The following NME3 variants were observed in gnomAD, a reference collection of about 807,000 sequenced individuals.
NME3 encodes NME/NM23 nucleoside diphosphate kinase 3, also known as nucleoside diphosphate kinase C.
Under a neutral mutation model 15.8 loss-of-function variants are expected in NME3, and 23 were observed. The observed-to-expected ratio is 1.45, with a 90% confidence interval of 1.05 to 2.06. NME3 has a LOEUF of 2.06. NME3 is among the 30% of genes most tolerant of loss of function. NME3 has a pLI of 0.00. For missense variants in NME3, 354 were observed against 243.2 expected (o/e 1.46, Z -3.03); for synonymous variants, 157 against 104.4 (o/e 1.50, Z -3.07).
intron 2 of NME3, 35 bp from the exon 3 acceptor site, chr16:1,771,206 G>A (rs1596838223): frequency 1.3e-6 from 2 of 1,576,134 alleles, no homozygotes; most frequent in South Asian, 2.3e-5. Context: ...GCCCGCACCC[G>A]GCACCTAGGC....
rs11890 is a variant in NME3 at position 1,770,991 on chromosome 16, T to C, written c.282A>G (p.Val94=). ...YMASGPVVAM[V]WQGLDVVRTS... Reference sequence around the variant, plus strand: ...TGCGCACCACGTCCAGCCCCTGCCATACCTGTGCGGAGGAACGGGCGCGGT... The same window carrying C: ...TGCGCACCACGTCCAGCCCCTGCCACACCTGTGCGGAGGAACGGGCGCGGT... The change falls in exon 4 of 5, where the codon GTA becomes GTG. Residue 94 remains valine, a splice_region_variant and synonymous_variant. Transcript: ENST00000219302. The C allele has an allele frequency of 1.9e-6, 3 of 1,590,926 alleles. No individual in the cohort carries two copies. In the African/African-American group the frequency reaches 4.0e-5, roughly 21 times the overall value.
chr16:1,770,904 C>T lies in NME3; in HGVS notation c.369G>A (p.Gly123=). The part of the protein sequence containing the change: ...PADAPPGTIR[G]DFCIEVGKNL... ...ACTTGCCAACCTCGATGCAGAAATC[C>T]CCGCGGATGGTGCCGGGCGGGGCGT... Residue 123 remains glycine (G), a synonymous_variant, in exon 4 of 5, where the codon GGG becomes GGA. Transcript: ENST00000219302. 6.3e-7 allele frequency: 1 copy of T among 1,584,918 alleles called. No individual in the cohort carries two copies. Among genetic ancestry groups the T allele is most frequent in the Non-Finnish European group, 8.6e-7 (1 of 1,162,138 alleles).
In NME3 at chr16:1,770,955, C is replaced by T. The variant is rs377494495; in HGVS notation, c.318G>A (p.Ala106=). The change falls in exon 4 of 5, where the codon GCG becomes GCA. Residue 106 remains alanine (A), a synonymous_variant. Coordinates refer to ENST00000219302, the MANE Select transcript of NME3 (RefSeq NM_002513.3). ...QGLDVVRTSR[A]LIGATNPADA... ...CGGCCGGGTTCGTGGCTCCGATGAGCGCCCGCGAGGTGCGCACCACGTCCA... is the reference window on the plus strand; with the variant it reads ...CGGCCGGGTTCGTGGCTCCGATGAGTGCCCGCGAGGTGCGCACCACGTCCA... The T allele has an allele frequency of 7.3e-5, 116 of 1,584,978 alleles. No homozygotes were observed. The highest frequency in any genetic ancestry group is 9.5e-5 in the Non-Finnish European group (110 of 1,161,154).
rs777700422 is a variant in NME3 at position 1,770,745 on chromosome 16, G to C, written c.414C>G (p.Asp138Glu). 2 of 1,598,416 alleles carry C rather than the reference G, an allele frequency of 1.3e-6. No homozygotes were observed. Among genetic ancestry groups the C allele is most frequent in the African/African-American group, 1.3e-5 (1 of 74,782 alleles). ...TCTCGCGGCGGGCACTCTCCACCGA[G>C]TCGCTGCCGTGAATCAGGTTCCTGC... ...EVGKNLIHGS[D>E]SVESARREIA... Residue 138 changes from aspartate to glutamate, a missense_variant, in exon 5 of 5, where the codon GAC (aspartate) becomes GAG (glutamate). Physicochemically the swap from Asp to Glu is conservative, Grantham distance 45. Transcript: ENST00000219302.
chr16:1,771,338 T>C lies in NME3; in HGVS notation c.119A>G (p.Glu40Gly). 6.3e-7 allele frequency: 1 copy of C among 1,598,152 alleles called. No homozygotes were observed. The highest frequency in any genetic ancestry group is 8.5e-7 in the Non-Finnish European group (1 of 1,174,144). ...PDGVQRRLVG[E>G]IVRRFERKGF... ...CTTCCTCTCGAAGCGCCGCACAATC[T>C]CGCCCACCAGCCGCCGCTGCACGCC... is the stretch of plus-strand genomic sequence containing the variant. The change falls in exon 2 of 5, where the codon GAG (glutamate) becomes GGG (glycine). Residue 40 changes from glutamate (E) to glycine (G), a missense_variant. By Grantham distance (98) the Glu-to-Gly change is moderately conservative (BLOSUM62 -2). Transcript: ENST00000219302.
At position 1,770,683 on chromosome 16, in the gene NME3, C is replaced by T. The variant is rs1349421297; in HGVS notation, c.476G>A (p.Trp159Ter). 1.9e-6 allele frequency: 3 copies of T among 1,585,322 alleles called. No individual in the cohort carries two copies. Among genetic ancestry groups the T allele is most frequent in the Non-Finnish European group, 2.6e-6 (3 of 1,166,780 alleles). ...CAGCCAGTGCCCAGCGCTGTCCTCC[C>T]AGCAGAGGAGCTCGTCTGCGCGGAA... ...LWFRADELLC[W>*]EDSAGHWLYE Residue 159 changes from tryptophan (W) to a stop codon, truncating the protein, a stop_gained, in exon 5 of 5, where the codon TGG becomes TAG. Coordinates refer to ENST00000219302, the MANE Select transcript of NME3 (RefSeq NM_002513.3). LOFTEE classifies it high-confidence loss of function.
In NME3 at chr16:1,770,348, A is replaced by G; in HGVS notation, c.*301T>C. Reference sequence around the variant, plus strand: ...CTGTTCCTGGGCCCAAATCGAAACGAAAACGAGGACTTTATTATAAAAAAA... The same window carrying G: ...CTGTTCCTGGGCCCAAATCGAAACGGAAACGAGGACTTTATTATAAAAAAA... On this transcript the variant is annotated 3_prime_UTR_variant, in exon 5 of 5. Coordinates refer to ENST00000219302, the MANE Select transcript of NME3 (RefSeq NM_002513.3). 1 of 352,590 alleles carries G rather than the reference A, an allele frequency of 2.8e-6. No individual in the cohort carries two copies. The highest frequency in any genetic ancestry group is 5.1e-6 in the Non-Finnish European group (1 of 195,386). The allele number at this position is 352,590 out of a possible 1,614,324, so 21.8% of individuals were successfully genotyped here. A position where few individuals can be genotyped will look rare whatever the true frequency, so the allele number is the denominator to read the frequency against.
intron 1 of NME3, 31 bp from the exon 2 acceptor site, chr16:1,771,441 C>T (rs889222597): frequency 1.0e-5 from 15 of 1,501,284 alleles, no homozygotes; most frequent in East Asian, 2.6e-5. Flanking sequence ...GGCCGTCAGG[C>T]CGGCCCAGCA....
chr16:1,770,780 G>A lies in NME3; in HGVS notation c.393-14C>T, dbSNP rs759467805. 2.5e-6 allele frequency: 4 copies of A among 1,597,234 alleles called. No individual in the cohort carries two copies. Among genetic ancestry groups the A allele is most frequent in the Non-Finnish European group, 3.4e-6 (4 of 1,171,366 alleles). On this transcript the variant is annotated splice_polypyrimidine_tract_variant and intron_variant, in intron 4 of 4. Coordinates refer to ENST00000219302, the MANE Select transcript of NME3 (RefSeq NM_002513.3). ...TGAATCAGGTTCCTGCGCGGAAGAGGCGCGTGTGAGCGTGGGAAAGAGACC... is the reference window on the plus strand; with the variant it reads ...TGAATCAGGTTCCTGCGCGGAAGAGACGCGTGTGAGCGTGGGAAAGAGACC...
intron 4 of NME3, 56 bp from the exon 5 acceptor site, chr16:1,770,822 C>T (rs2042574693): frequency 6.3e-7 from 1 of 1,578,986 alleles, no homozygotes; most frequent in Non-Finnish European, 8.6e-7. Flanking sequence ...ACGGGTACCA[C>T]GCAGGCTGAA....
intron 1 of NME3, 25 bp downstream of exon 1, chr16:1,771,464 C>T: frequency 7.5e-7 from 1 of 1,341,070 alleles, no homozygotes; most frequent in South Asian, 2.2e-5. Context: ...GGCCACCCGC[C>T]CCCGGCCCGC....
chr16:1,771,044 C>A, intron 3 of NME3, 26 bp downstream of exon 3: 5 of 1,596,868 alleles, frequency 3.1e-6, no homozygotes, highest in Non-Finnish European at 4.3e-6. Flanking sequence ...GTCCCGGAGC[C>A]GCCCGCCCGC....
intron 4 of NME3, 25 bp from the exon 5 acceptor site, chr16:1,770,791 C>T (rs1218453277): frequency 1.3e-6 from 2 of 1,594,458 alleles, no homozygotes; most frequent in Non-Finnish European, 1.7e-6. Context: ...CGCGTGTGAG[C>T]GTGGGAAAGA....
At position 1,771,490 on chromosome 16, in the gene NME3, C is replaced by T. The variant is rs1446445034; in HGVS notation, c.45G>A (p.Ala15=). 3.0e-6 allele frequency: 4 copies of T among 1,319,094 alleles called. No individual in the cohort carries two copies. Among genetic ancestry groups the T allele is most frequent in the Non-Finnish European group, 3.9e-6 (4 of 1,036,378 alleles). The allele number at this position is 1,319,094 out of a possible 1,614,324, so 81.7% of individuals were successfully genotyped here. A position where few individuals can be genotyped will look rare whatever the true frequency, so the allele number is the denominator to read the frequency against. ...CCCGGCCCGCGCCGCGCGGCTCACC[C>T]GCGGGGAAGAGGTTAGCGAAGATGG... ...VLTIFANLFP[A]ACTGAHERTF... The change falls in exon 1 of 5, where the codon GCG becomes GCA. Residue 15 remains alanine, a splice_region_variant and synonymous_variant. Transcript: ENST00000219302.
chr16:1,770,570 G>C lies in NME3; in HGVS notation c.*79C>G. ...CCAAAGGGATGCTCCAAGCGCTGTG[G>C]GGTGGGGCCAGAAGCCCGCCCACCT... On this transcript the variant is annotated 3_prime_UTR_variant, in exon 5 of 5. Transcript: ENST00000219302. The C allele has an allele frequency of 9.2e-7, 1 of 1,089,418 alleles. No homozygotes were observed. The highest frequency in any genetic ancestry group is 1.5e-5 in the South Asian group (1 of 65,266). The allele number at this position is 1,089,418 out of a possible 1,614,324, so 67.5% of individuals were successfully genotyped here.
At position 1,771,170 on chromosome 16, in the gene NME3, G is replaced by T. The variant is rs1301845668; in HGVS notation, c.179C>A (p.Ala60Asp). The T allele has an allele frequency of 1.9e-6, 3 of 1,599,804 alleles. No individual in the cohort carries two copies. Among genetic ancestry groups the T allele is most frequent in the Non-Finnish European group, 2.6e-6 (3 of 1,176,362 alleles). ...FKLVALKLVQ[A>D]SEELLREHYA... ...GTGCTCACGCAGCAGCTCCTCGGAG[G>T]CCTGCGGAAGGGTCAGGCCGCCTGC... is the stretch of plus-strand genomic sequence containing the variant. The change falls in exon 3 of 5, where the codon GCC becomes GAC. Residue 60 changes from alanine to aspartate, a missense_variant and splice_region_variant. By Grantham distance (126) the Ala-to-Asp change is moderately radical. Transcript: ENST00000219302.
At position 1,770,557 on chromosome 16, in the gene NME3, T is replaced by C. The variant is rs1378180117; in HGVS notation, c.*92A>G. 4 of 975,400 alleles carry C rather than the reference T, an allele frequency of 4.1e-6. No homozygotes were observed. Among genetic ancestry groups the C allele is most frequent in the Non-Finnish European group, 4.5e-6 (3 of 672,332 alleles). 60.4% of individuals were successfully genotyped at this position (975,400 alleles called of 1,614,324 possible). ...TTCAGCAGCCCGTCCAAAGGGATGC[T>C]CCAAGCGCTGTGGGGTGGGGCCAGA... is the stretch of plus-strand genomic sequence containing the variant. On this transcript the variant is annotated 3_prime_UTR_variant, in exon 5 of 5. Coordinates refer to ENST00000219302, the MANE Select transcript of NME3 (RefSeq NM_002513.3).
intron 4 of NME3, 41 bp from the exon 5 acceptor site, chr16:1,770,807 C>T: frequency 6.3e-7 from 1 of 1,585,732 alleles, no homozygotes; most frequent in Non-Finnish European, 8.6e-7. Flanking sequence ...AAAGAGACCT[C>T]CGGCACGGGT....
rs1309652603 is a variant in NME3 at position 1,770,724 on chromosome 16, G to A, written c.435C>T (p.Arg145=). ...HGSDSVESAR[R]EIALWFRADE... ...CTGCGCGGAACCAGAGAGCGATCTC[G>A]CGGCGGGCACTCTCCACCGAGTCGC... Residue 145 remains arginine (R), a synonymous_variant, in exon 5 of 5, where the codon CGC becomes CGT. Coordinates refer to ENST00000219302, the MANE Select transcript of NME3 (RefSeq NM_002513.3). 1 of 1,593,246 alleles carries A rather than the reference G, an allele frequency of 6.3e-7. No homozygotes were observed. The highest frequency in any genetic ancestry group is 1.3e-5 in the African/African-American group (1 of 74,520).
Sources: allele counts gnomAD v4.1 joint callset, GRCh38; gene constraint gnomAD v4.1.1; transcripts MANE v1.5; gene names NCBI Gene and HGNC (gene_info 2026-07-23, HGNC 2026-07-21).